Variants in PLCG2 observed in about 807,000 individuals in gnomAD.
The protein encoded by PLCG2 is 1-phosphatidylinositol 4,5-bisphosphate phosphodiesterase gamma-2.
A neutral mutation model predicts 175.6 loss-of-function variants in PLCG2; 69 were observed. The observed-to-expected ratio is 0.39, with a 90% CI of 0.32 to 0.48. The LOEUF (loss-of-function observed/expected upper bound fraction) is 0.48. Among genes scored for constraint, PLCG2 ranks in the 20% least tolerant of loss-of-function variants. The pLI, the probability that PLCG2 is intolerant of heterozygous loss-of-function variation, is 0.91. For synonymous variants in PLCG2, 827 were observed against 624.0 expected, an observed-to-expected ratio of 1.33 and a Z score of -4.85; for missense variants, 1,798 against 1,650.9, an observed-to-expected ratio of 1.09 and a Z score of -1.54.
At chr16:81,771,024 C>T (rs891986235) in intron 2 of PLCG2, among the ~76,000 whole-genome samples, 1 of 150,440 alleles carries the variant, frequency 6.6e-6, no homozygotes, top group Non-Finnish European at 1.5e-5. Flanking sequence ...TGCCCCTGCA[C>T]TCCAGCCTTG....
chr16:81,849,869 A>T (rs1906319496), intron 2 of PLCG2, among the ~76,000 whole-genome samples: 1 of 152,150 alleles, frequency 6.6e-6, no homozygotes, highest in East Asian at 1.9e-4. Context: ...AGAGAAAAGA[A>T]TGTTTGCTTA....
chr16:81,789,470 G>A (rs935275137), intron 2 of PLCG2, among the ~76,000 whole-genome samples: 1 of 152,112 alleles, frequency 6.6e-6, no homozygotes, highest in Non-Finnish European at 1.5e-5. Flanking sequence ...TTTAACTTTT[G>A]TGTAGATAGG....
chr16:81,776,083 C>CGTTCGTTCTTTCTTTCTT (rs1413572575), upstream of PLCG2, among the ~76,000 whole-genome samples: 1 of 81,848 alleles, frequency 1.2e-5, no homozygotes, highest in African/African-American at 4.3e-5. Context: ...TTCTCTCTCT[C>CGTTCGTTCTTTCTTTCTT]TCTCTCTTTC....
At chr16:81,952,007 G>A (rs1379694163) in intron 31 of PLCG2, among the ~76,000 whole-genome samples, 1 of 152,070 alleles carries the variant, frequency 6.6e-6, no homozygotes, top group Non-Finnish European at 1.5e-5. Flanking sequence ...ACTTCTGTCT[G>A]TTCTAGAAGT....
rs779718500 is a variant in PLCG2 at position 81,910,660 on chromosome 16, C to T, written c.1874C>T (p.Ala625Val). 6.2e-7 allele frequency: 1 copy of T among 1,613,688 alleles called. No individual in the cohort carries two copies. Among genetic ancestry groups the T allele is most frequent in the Non-Finnish European group, 8.5e-7 (1 of 1,180,014 alleles). Reference sequence around the variant, plus strand: ...TACCGCGAGACGCACCTGCGCTGCGCCGAGTTCGAGCTGCGGCTCACGGAC... The same window carrying T: ...TACCGCGAGACGCACCTGCGCTGCGTCGAGTTCGAGCTGCGGCTCACGGAC... The part of the protein sequence containing the change: ...QHYRETHLRC[A>V]EFELRLTDPV... Residue 625 changes from alanine (A) to valine (V), a missense_variant, in exon 18 of 33, where the codon GCC becomes GTC. Coordinates refer to ENST00000564138, the MANE Select transcript of PLCG2 (RefSeq NM_002661.5).
At chr16:81,791,801 G>T (rs960831653) in intron 2 of PLCG2, among the ~76,000 whole-genome samples, 3 of 152,124 alleles carry the variant, frequency 2.0e-5, no homozygotes, top group African/African-American at 4.8e-5. Flanking sequence ...CTGACCTCTC[G>T]TGATCTGCCC....
At chr16:81,829,339 C>G (rs1271081332) in intron 2 of PLCG2, among the ~76,000 whole-genome samples, 1 of 152,174 alleles carries the variant, frequency 6.6e-6, no homozygotes, top group African/African-American at 2.4e-5. Flanking sequence ...GAACTCCTGA[C>G]TTCAGGTGAT....
chr16:81,855,623 C>T (rs1455245678), intron 3 of PLCG2, among the ~76,000 whole-genome samples: 1 of 152,228 alleles, frequency 6.6e-6, no homozygotes, highest in African/African-American at 2.4e-5. Flanking sequence ...AAGAAGCTCT[C>T]AGTCGACTTG....
chr16:81,791,119 A>G (rs1267456403), intron 2 of PLCG2, among the ~76,000 whole-genome samples: 2 of 152,118 alleles, frequency 1.3e-5, no homozygotes, highest in Non-Finnish European at 2.9e-5. Context: ...AGAGAGAGGG[A>G]GGAGGAGGAT....
At position 81,751,819 on chromosome 16, in the gene PLCG2, C is replaced by G. The variant is rs1909818120; in HGVS notation, c.-144-4051C>G. 4.6e-5 allele frequency among the ~76,000 whole-genome samples: 7 copies of G among 152,110 alleles called. No individual in the cohort carries two copies. The South Asian group carries it at 1.5e-3, about 32-fold the overall frequency. ...GGTGGATCACCTGAGGTCAGGAGTTCAAGAGCAGCCTGGCCACCATGGTGA... is the reference window on the plus strand; with the variant it reads ...GGTGGATCACCTGAGGTCAGGAGTTGAAGAGCAGCCTGGCCACCATGGTGA... On this transcript the variant is annotated intron_variant, in intron 1 of 5. Coordinates refer to the PLCG2 transcript ENST00000565054.
At chr16:81,774,491 C>G (rs1285185292), upstream of PLCG2, among the ~76,000 whole-genome samples, 1 of 152,200 alleles carries the variant, frequency 6.6e-6, no homozygotes, top group Non-Finnish European at 1.5e-5. Flanking sequence ...CTTCCTCTCA[C>G]AGAGGCCTGC....
chr16:81,884,329 C>T (rs948052164), intron 9 of PLCG2, among the ~76,000 whole-genome samples: 3 of 151,596 alleles, frequency 2.0e-5, no homozygotes, highest in Non-Finnish European at 4.4e-5. Context: ...GCAGCCTGGG[C>T]AACAGAGCAA....
chr16:81,816,166 T>A (rs1029298986), intron 2 of PLCG2, among the ~76,000 whole-genome samples: 2 of 151,740 alleles, frequency 1.3e-5, no homozygotes, highest in Non-Finnish European at 2.9e-5. Context: ...AGGTCAGGAG[T>A]TCGAGACCAG....
intron 2 of PLCG2, among the ~76,000 whole-genome samples, chr16:81,846,694 G>A (rs975744536): frequency 7.9e-5 from 12 of 152,148 alleles, no homozygotes; most frequent in Admixed American, 3.3e-4. Context: ...CAAGATATCA[G>A]TTCTTCCTGG....
chr16:81,772,197 G>C (rs982955942), intron 2 of PLCG2, among the ~76,000 whole-genome samples: 1 of 152,128 alleles, frequency 6.6e-6, no homozygotes, highest in Non-Finnish European at 1.5e-5. Flanking sequence ...GAAAGGAGAG[G>C]GGTATTTGAG....
At chr16:81,871,035 T>C in intron 7 of PLCG2, 100 bp downstream of exon 7, 2 of 599,348 alleles carry the variant, frequency 3.3e-6, no homozygotes. Flanking sequence ...GTGTTGAATC[T>C]CCATTTTAGT....
intron 2 of PLCG2, among the ~76,000 whole-genome samples, chr16:81,822,282 A>T (rs1297909148): frequency 6.6e-6 from 1 of 152,186 alleles, no homozygotes; most frequent in African/African-American, 2.4e-5. Flanking sequence ...AAGGGTCGGC[A>T]TAGGTGGTAA....
chr16:81,784,908 G>A (rs1910902362), intron 1 of PLCG2, among the ~76,000 whole-genome samples: 1 of 152,086 alleles, frequency 6.6e-6, no homozygotes, highest in Admixed American at 6.5e-5. Context: ...GGGGATTTGG[G>A]AGGCAGAATG....
chr16:81,789,061 C>T (rs1430078320), intron 2 of PLCG2, among the ~76,000 whole-genome samples: 2 of 152,190 alleles, frequency 1.3e-5, no homozygotes, highest in Non-Finnish European at 2.9e-5. Flanking sequence ...TTAACCATGG[C>T]ATGTGTATAC....
Sources: allele counts gnomAD v4.1 joint callset (sites outside exome capture counted in the v4.1 genomes callset), GRCh38; gene constraint gnomAD v4.1.1; transcripts MANE v1.5; gene names NCBI Gene and HGNC (gene_info 2026-07-23, HGNC 2026-07-21).